Variants in PARP12 observed in about 807,000 individuals in gnomAD.
PARP12 encodes protein mono-ADP-ribosyltransferase PARP12.
Under a neutral mutation model 72.4 loss-of-function variants are expected in PARP12, and 59 were observed. The observed-to-expected ratio is 0.81, with a 90% confidence interval of 0.66 to 1.01. The LOEUF (loss-of-function observed/expected upper bound fraction) is 1.01. Among genes scored for constraint, PARP12 ranks in the 50% least tolerant of loss-of-function variants. The pLI, the probability that PARP12 is intolerant of heterozygous loss-of-function variation, is 0.00. For synonymous variants in PARP12, 403 were observed against 371.4 expected (o/e 1.09, Z -0.98); for missense variants, 851 against 914.0 (o/e 0.93, Z 0.89).
At chr7:140,047,349 G>T (rs548155257) in intron 4 of PARP12, among the ~76,000 whole-genome samples, 45 of 152,240 alleles carry the variant, frequency 3.0e-4, no homozygotes, top group Middle Eastern at 3.4e-3. Flanking sequence ...GAGTGGAACT[G>T]GTGGCTTTAT....
chr7:140,037,827 G>A lies in PARP12; in HGVS notation c.1212C>T (p.Ser404=). The A allele has an allele frequency of 1.2e-6, 2 of 1,613,240 alleles. No homozygotes were observed. Among genetic ancestry groups the A allele is most frequent in the Non-Finnish European group, 1.7e-6 (2 of 1,179,224 alleles). ...QGTVHPVTTV[S]SSDVEKAYLA... ...GGTAGGCCTTCTCCACGTCGCTACTGCTGACAGTGGTCACAGGGTGCACCG... is the reference window on the plus strand; with the variant it reads ...GGTAGGCCTTCTCCACGTCGCTACTACTGACAGTGGTCACAGGGTGCACCG... The change falls in exon 7 of 12, where the codon AGC becomes AGT. Residue 404 remains serine (S), a synonymous_variant. Transcript: ENST00000263549.
chr7:140,061,776 G>A (rs1378221089), intron 1 of PARP12, among the ~76,000 whole-genome samples: 1 of 152,198 alleles, frequency 6.6e-6, no homozygotes, highest in Non-Finnish European at 1.5e-5. Context: ...TCTGCCCTCA[G>A]GGAGTTTCTA....
Position 140,062,648 on chromosome 7 carries a change from A to G in PARP12, c.200T>C (p.Leu67Pro). The change falls in exon 1 of 12, where the codon CTG becomes CCG. Residue 67 changes from leucine (L) to proline (P), a missense_variant. Around this residue, in one of 3 missense-constraint regions of PARP12, gnomAD observed 492 missense variants for 489.3 expected, o/e 1.01. Coordinates refer to ENST00000263549, the MANE Select transcript of PARP12 (RefSeq NM_022750.4). ...ACACAGGCGCAGCGGCGAGGCGGCC[A>G]GCACCACGCGCTCCGGGGCCGCGGC... ...GAAAAPERVV[L>P]AASPLRLCRA... The G allele has an allele frequency of 7.2e-7, 1 of 1,388,674 alleles. No homozygotes were observed. The highest frequency in any genetic ancestry group is 9.3e-7 in the Non-Finnish European group (1 of 1,071,404). The allele number at this position is 1,388,674 out of a possible 1,614,324, so 86.0% of individuals were successfully genotyped here.
intron 4 of PARP12, among the ~76,000 whole-genome samples, chr7:140,048,138 T>C (rs927785205): frequency 6.6e-6 from 1 of 152,136 alleles, no homozygotes; most frequent in African/African-American, 2.4e-5. Context: ...CACGTCCAAC[T>C]GAAGGCAGGT....
At position 140,059,828 on chromosome 7, in the gene PARP12, G is replaced by A. The variant is rs182650204; in HGVS notation, c.327-1794C>T. On this transcript the variant is annotated intron_variant, in intron 1 of 11. Transcript: ENST00000263549. ...TTGTCAGAATCTGTCAGCGCAGAGC[G>A]GAAGGGCACCTGAGCCAGTCAGGGC... 3.9e-5 allele frequency among the ~76,000 whole-genome samples: 6 copies of A among 152,324 alleles called. No individual in the cohort carries two copies. In the South Asian group the frequency reaches 6.2e-4, roughly 16 times the overall value.
intron 7 of PARP12, among the ~76,000 whole-genome samples, chr7:140,035,043 G>A (rs1396239262): frequency 6.6e-6 from 1 of 152,120 alleles, no homozygotes; most frequent in African/African-American, 2.4e-5. Context: ...CCAAGTAGCT[G>A]GGACTACAGG....
intron 5 of PARP12, among the ~76,000 whole-genome samples, chr7:140,044,085 A>G (rs1816610816): frequency 6.6e-6 from 1 of 152,250 alleles, no homozygotes; most frequent in African/African-American, 2.4e-5. Flanking sequence ...CAGAAAGCAC[A>G]GCAAAATATG....
chr7:140,034,218 C>A lies in PARP12; in HGVS notation c.1421+17G>T. ...GCTGATTACATCCTAAGTACCAAGC[C>A]CCCCACTGCAACCTACCAGGTTTGC... On this transcript the variant is annotated intron_variant, in intron 8 of 11. Transcript: ENST00000263549. 1 of 1,609,740 alleles carries A rather than the reference C, an allele frequency of 6.2e-7. No individual in the cohort carries two copies. The highest frequency in any genetic ancestry group is 8.5e-7 in the Non-Finnish European group (1 of 1,177,320).
chr7:140,057,733 C>G (rs1817245999), intron 2 of PARP12, 166 bp downstream of exon 2: 4 of 957,464 alleles, frequency 4.2e-6, no homozygotes, highest in Non-Finnish European at 6.0e-6. Flanking sequence ...CAAAGCTGGC[C>G]CTTGAACTTC....
chr7:140,034,202 A>C (rs1416199412), intron 8 of PARP12, 33 bp downstream of exon 8: 5 of 1,604,088 alleles, frequency 3.1e-6, no homozygotes, highest in East Asian at 2.2e-5. Context: ...AGCTGATTAC[A>C]TCCTAAGTAC....
chr7:140,053,612 T>C (rs1456886476), intron 4 of PARP12, among the ~76,000 whole-genome samples: 4 of 152,188 alleles, frequency 2.6e-5, no homozygotes, highest in Non-Finnish European at 5.9e-5. Flanking sequence ...GCTTTCAGAA[T>C]ACACATATAT....
intron 1 of PARP12, 86 bp downstream of exon 1, chr7:140,062,436 C>T: frequency 7.4e-7 from 1 of 1,355,206 alleles, no homozygotes; most frequent in Non-Finnish European, 9.8e-7. Context: ...TCTGCTCAAA[C>T]TTCAAGTAGG....
chr7:140,045,249 T>C (rs942981154), intron 5 of PARP12, among the ~76,000 whole-genome samples: 3 of 152,090 alleles, frequency 2.0e-5, no homozygotes, highest in Admixed American at 6.6e-5. Context: ...CCCAGGCTAG[T>C]TGTGTATTCC....
intron 11 of PARP12, 31 bp from the exon 12 acceptor site, chr7:140,024,916 G>C: frequency 6.2e-7 from 1 of 1,601,174 alleles, no homozygotes; most frequent in Non-Finnish European, 8.5e-7. Context: ...TCAGCTGGTG[G>C]AGGGGCCTGC....
chr7:140,043,159 G>T (rs531702361), intron 5 of PARP12, among the ~76,000 whole-genome samples: 1 of 152,212 alleles, frequency 6.6e-6, no homozygotes, highest in Admixed American at 6.5e-5. Flanking sequence ...GCACCACTGC[G>T]CTCCAACTTG....
At chr7:140,028,079 T>A (rs1815804586) in intron 9 of PARP12, among the ~76,000 whole-genome samples, 1 of 152,178 alleles carries the variant, frequency 6.6e-6, no homozygotes, top group Non-Finnish European at 1.5e-5. Flanking sequence ...CTGGCAGACA[T>A]CAGCCCAGGT....
intron 4 of PARP12, 118 bp downstream of exon 4, chr7:140,054,544 C>A: frequency 1.2e-6 from 1 of 816,530 alleles, no homozygotes. Flanking sequence ...AGTGCCAAGC[C>A]CTGATCCTCT....
chr7:140,026,241 A>C lies in PARP12; in HGVS notation c.1736T>G (p.Phe579Cys), dbSNP rs201799041. Residue 579 changes from phenylalanine (F) to cysteine (C), a missense_variant, in exon 11 of 12, where the codon TTT (phenylalanine) becomes TGT (cysteine). Physicochemically the swap from Phe to Cys is radical, Grantham distance 205. This residue lies in a region of PARP12 where 347 missense variants were observed against 396.1 expected (regional missense o/e 0.88). Coordinates refer to ENST00000263549, the MANE Select transcript of PARP12 (RefSeq NM_022750.4). ...IFVDAICQQNFDWRVCGVHGT... is the reference protein window; with the variant it reads ...IFVDAICQQNCDWRVCGVHGT... Reference sequence around the variant, plus strand: ...ATGAACACCACAGACCCGCCAGTCAAAGTTCTGCTGGCAGATGGCGTCCAC... The same window carrying C: ...ATGAACACCACAGACCCGCCAGTCACAGTTCTGCTGGCAGATGGCGTCCAC... The C allele has an allele frequency of 1.2e-6, 2 of 1,614,068 alleles. No individual in the cohort carries two copies. The highest frequency in any genetic ancestry group is 8.5e-7 in the Non-Finnish European group (1 of 1,180,046).
intron 4 of PARP12, among the ~76,000 whole-genome samples, chr7:140,053,660 C>G (rs1277883597): frequency 1.3e-5 from 2 of 151,962 alleles, no homozygotes; most frequent in African/African-American, 2.4e-5. Context: ...ATTCCTTGAC[C>G]TATCATTCCA....
Sources: allele counts gnomAD v4.1 joint callset (sites outside exome capture counted in the v4.1 genomes callset), GRCh38; gene constraint gnomAD v4.1.1; regional missense constraint gnomAD v4.1.1; transcripts MANE v1.5; gene names NCBI Gene and HGNC (gene_info 2026-07-23, HGNC 2026-07-21).